The following ADAMTSL1 variants were observed in gnomAD, a reference collection of about 807,000 sequenced individuals.
ADAMTSL1 encodes the protein ADAMTS-like protein 1.
Under a neutral mutation model 201.8 loss-of-function variants are expected in ADAMTSL1, and 126 were observed. The ratio of observed to expected loss-of-function variants is 0.62; its 90% CI spans 0.54 to 0.72. ADAMTSL1 has a LOEUF of 0.72. ADAMTSL1 is among the 30% of genes least tolerant of loss of function. The pLI, the probability that ADAMTSL1 is intolerant of heterozygous loss-of-function variation, is 0.00. For synonymous variants in ADAMTSL1, 1,121 were observed against 903.4 expected, an observed-to-expected ratio of 1.24 and a Z score of -4.32; for missense variants, 2,679 against 2,277.8, an observed-to-expected ratio of 1.18 and a Z score of -3.59.
At chr9:18,826,517 T>C in intron 22 of ADAMTSL1, 54 bp downstream of exon 22, 1 of 1,559,230 alleles carries the variant, frequency 6.4e-7, no homozygotes. Flanking sequence ...AGTGACTATC[T>C]AACCCACCCT....
chr9:17,926,972 G>C (rs62547833), intron 1 of ADAMTSL1, among the ~76,000 whole-genome samples: 1 of 152,112 alleles, frequency 6.6e-6, no homozygotes, highest in Non-Finnish European at 1.5e-5. Flanking sequence ...GTACATTTAT[G>C]TTGTTGTACA....
intron 23 of ADAMTSL1, among the ~76,000 whole-genome samples, chr9:18,869,652 G>A (rs1827765869): frequency 6.6e-6 from 1 of 152,070 alleles, no homozygotes; most frequent in Non-Finnish European, 1.5e-5. Flanking sequence ...ATTATCTCCT[G>A]GTTTCCTTTG....
chr9:18,368,051 C>T (rs1586987771), intron 2 of ADAMTSL1, among the ~76,000 whole-genome samples: 1 of 151,798 alleles, frequency 6.6e-6, no homozygotes, highest in African/African-American at 2.4e-5. Flanking sequence ...AGGCGCCCGC[C>T]ACCACGCCAG....
At chr9:18,254,833 T>G (rs765923214) in intron 2 of ADAMTSL1, among the ~76,000 whole-genome samples, 5 of 152,116 alleles carry the variant, frequency 3.3e-5, no homozygotes, top group Non-Finnish European at 5.9e-5. Flanking sequence ...GCTTTGCTAA[T>G]TTACTTTGTT....
At chr9:18,328,152 G>C (rs570545786) in intron 2 of ADAMTSL1, among the ~76,000 whole-genome samples, 1 of 152,298 alleles carries the variant, frequency 6.6e-6, no homozygotes, top group South Asian at 2.1e-4. Context: ...ATTGAATCCT[G>C]TTTGCACAAA....
chr9:18,223,287 A>G (rs1027228766), intron 2 of ADAMTSL1, among the ~76,000 whole-genome samples: 2 of 152,102 alleles, frequency 1.3e-5, no homozygotes, highest in African/African-American at 4.8e-5. Context: ...CAGATTTGAA[A>G]TGATCGATCA....
chr9:18,199,985 AT>A (rs551262584), intron 2 of ADAMTSL1, among the ~76,000 whole-genome samples: 14 of 152,020 alleles, frequency 9.2e-5, no homozygotes, highest in Non-Finnish European at 1.9e-4. Context: ...AGCTTGTCTG[AT>A]TATAATGAAA....
At chr9:18,411,976 C>T (rs1426334622) in intron 2 of ADAMTSL1, among the ~76,000 whole-genome samples, 1 of 152,200 alleles carries the variant, frequency 6.6e-6, no homozygotes, top group Non-Finnish European at 1.5e-5. Context: ...GGAAATTGCA[C>T]ATCACATTTA....
At chr9:18,500,049 A>G (rs1195913694) in intron 1 of ADAMTSL1, among the ~76,000 whole-genome samples, 1 of 152,250 alleles carries the variant, frequency 6.6e-6, no homozygotes, top group African/African-American at 2.4e-5. Flanking sequence ...TAACCTGTCC[A>G]GGTTCCAATG....
At chr9:18,622,419 C>T (rs1482171304) in intron 5 of ADAMTSL1, 50 bp downstream of exon 5, 2 of 1,613,432 alleles carry the variant, frequency 1.2e-6, no homozygotes, top group Admixed American at 1.7e-5. Flanking sequence ...CTTATCCTCT[C>T]CTGGCTTAGG....
chr9:18,652,976 G>C (rs1001425578), intron 7 of ADAMTSL1, among the ~76,000 whole-genome samples: 28 of 152,312 alleles, frequency 1.8e-4, no homozygotes, highest in Middle Eastern at 3.4e-3. Context: ...TAAATCAACT[G>C]TAGGAAAGAG....
intron 13 of ADAMTSL1, among the ~76,000 whole-genome samples, chr9:18,697,521 A>G (rs1302319261): frequency 1.3e-5 from 2 of 152,216 alleles, no homozygotes; most frequent in East Asian, 3.8e-4. Context: ...GCCTATTTCA[A>G]AATGTTTCCA....
intron 2 of ADAMTSL1, among the ~76,000 whole-genome samples, chr9:18,167,607 G>T (rs757375916): frequency 1.2e-4 from 19 of 152,098 alleles, no homozygotes; most frequent in South Asian, 2.1e-4. Flanking sequence ...TGCAAGGCAG[G>T]TAACTGGTGT....
intron 1 of ADAMTSL1, among the ~76,000 whole-genome samples, chr9:18,088,300 AAAACAT>A (rs940393895): frequency 3.3e-5 from 5 of 152,334 alleles, no homozygotes; most frequent in African/African-American, 9.6e-5. Flanking sequence ...TCTGTAGAAG[AAAACAT>A]AGAGGAAAGT....
At chr9:18,167,025 A>ATTTG (rs1250392479) in intron 2 of ADAMTSL1, among the ~76,000 whole-genome samples, 1 of 151,984 alleles carries the variant, frequency 6.6e-6, no homozygotes, top group African/African-American at 2.4e-5. Context: ...TAAGTGAGCC[A>ATTTG]TTTGTCTAGA....
At chr9:18,057,588 C>T (rs1447440768) in intron 1 of ADAMTSL1, among the ~76,000 whole-genome samples, 2 of 152,114 alleles carry the variant, frequency 1.3e-5, no homozygotes. Context: ...TTGGTTAGAA[C>T]GAGTTTTTTA....
chr9:18,872,313 G>A (rs1246423768), intron 23 of ADAMTSL1, among the ~76,000 whole-genome samples: 3 of 152,126 alleles, frequency 2.0e-5, no homozygotes, highest in Non-Finnish European at 4.4e-5. Flanking sequence ...GGAAGAGGTT[G>A]GGATTATTAG....
intron 2 of ADAMTSL1, among the ~76,000 whole-genome samples, chr9:18,215,553 G>A (rs974773184): frequency 6.6e-6 from 1 of 152,132 alleles, no homozygotes; most frequent in Non-Finnish European, 1.5e-5. Context: ...TTGCTGACTA[G>A]CAATCAAAAA....
At chr9:18,499,626 C>T (rs1822727441) in intron 1 of ADAMTSL1, among the ~76,000 whole-genome samples, 1 of 152,144 alleles carries the variant, frequency 6.6e-6, no homozygotes, top group Non-Finnish European at 1.5e-5. Context: ...TGTGTGACAT[C>T]CATTTGATAC....
Sources: gnomAD v4.1 joint callset for allele counts (sites outside exome capture counted in the v4.1 genomes callset) on GRCh38, gnomAD v4.1.1 for gene constraint, MANE v1.5 for transcripts, NCBI Gene and HGNC (gene_info 2026-07-23, HGNC 2026-07-21) for gene names.